Variants in MTA3 observed in about 807,000 individuals in gnomAD.
The protein encoded by MTA3 is metastasis associated 1 family member 3, also known as metastasis-associated protein MTA3.
MTA3 carries 34 observed loss-of-function variants against 83.5 expected under a neutral mutation model. The ratio of observed to expected loss-of-function variants is 0.41; its 90% CI spans 0.31 to 0.54. The LOEUF (loss-of-function observed/expected upper bound fraction) is 0.54. Among genes scored for constraint, MTA3 ranks in the 20% least tolerant of loss-of-function variants. The pLI is 0.33. For synonymous variants in MTA3, 303 were observed against 252.7 expected (o/e 1.20, Z -1.89); for missense variants, 761 against 726.4 (o/e 1.05, Z -0.55).
chr2:42,734,803 T>C (rs1199953431), intron 16 of MTA3, among the ~76,000 whole-genome samples: 5 of 152,150 alleles, frequency 3.3e-5, no homozygotes, highest in Non-Finnish European at 7.4e-5. Flanking sequence ...TTGACACTGA[T>C]TGCATAAACA....
intron 2 of MTA3, among the ~76,000 whole-genome samples, chr2:42,508,378 C>T (rs1045923631): frequency 6.6e-6 from 1 of 152,114 alleles, no homozygotes; most frequent in African/African-American, 2.4e-5. Flanking sequence ...GCCACCCAGG[C>T]TGGAGTGCAG....
intron 4 of MTA3, among the ~76,000 whole-genome samples, chr2:42,624,612 C>T (rs777056887): frequency 6.6e-6 from 1 of 152,212 alleles, no homozygotes; most frequent in Admixed American, 6.5e-5. Flanking sequence ...AGGTGTGAGC[C>T]ACTGTGCCCA....
intron 2 of MTA3, among the ~76,000 whole-genome samples, chr2:42,573,585 A>C (rs182574369): frequency 1.1e-4 from 17 of 152,300 alleles, no homozygotes; most frequent in Admixed American, 3.3e-4. Context: ...ATCTCCGGTC[A>C]CTGCAACCTC....
chr2:42,674,281 G>A (rs1251204259), intron 8 of MTA3, among the ~76,000 whole-genome samples: 3 of 152,214 alleles, frequency 2.0e-5, no homozygotes, highest in Admixed American at 6.5e-5. Flanking sequence ...ATGAATATTT[G>A]CTGAACAATA....
In MTA3 at chr2:42,709,066, G is replaced by A. The variant is rs1666373440; in HGVS notation, c.1495G>A (p.Ala499Thr). The A allele has an allele frequency of 6.2e-7, 1 of 1,610,096 alleles. No homozygotes were observed. Among genetic ancestry groups the A allele is most frequent in the African/African-American group, 1.3e-5 (1 of 74,826 alleles). The change falls in exon 14 of 17, where the codon GCT becomes ACT. Residue 499 changes from alanine (A) to threonine (T), a missense_variant. Transcript: ENST00000405094. The stretch of plus-strand genomic sequence containing the variant: ...GCAGGCAGCAAGACGGCCGTTTGTT[G>A]CTATTAATTATGCTGCCATTAGGGC... Reference protein sequence around the residue: ...LRQAARRPFVAINYAAIRAEY... With the variant: ...LRQAARRPFVTINYAAIRAEY...
chr2:42,665,247 C>T (rs1690129554), intron 8 of MTA3, among the ~76,000 whole-genome samples: 1 of 152,170 alleles, frequency 6.6e-6, no homozygotes, highest in African/African-American at 2.4e-5. Context: ...CAAAAGTTAG[C>T]TGGATGTGGT....
intron 8 of MTA3, among the ~76,000 whole-genome samples, chr2:42,671,185 A>G (rs1690760217): frequency 6.6e-6 from 1 of 152,188 alleles, no homozygotes; most frequent in African/African-American, 2.4e-5. Flanking sequence ...ATTTATAATT[A>G]GAATAAATTT....
chr2:42,608,373 C>CT (rs1376188334), intron 3 of MTA3, among the ~76,000 whole-genome samples: 1 of 152,176 alleles, frequency 6.6e-6, no homozygotes, highest in Non-Finnish European at 1.5e-5. Flanking sequence ...CTATATTTCT[C>CT]TTTGAGTAGT....
chr2:42,515,687 G>A (rs1675113186), intron 2 of MTA3, among the ~76,000 whole-genome samples: 2 of 151,402 alleles, frequency 1.3e-5, no homozygotes, highest in Non-Finnish European at 2.9e-5. Flanking sequence ...ATTTTTAGTA[G>A]AGACAGGGTT....
chr2:42,527,899 A>G (rs187871629), intron 2 of MTA3, among the ~76,000 whole-genome samples: 1 of 150,606 alleles, frequency 6.6e-6, no homozygotes, highest in Admixed American at 6.6e-5. Flanking sequence ...ATAGCATGAG[A>G]TCTCTCCTTG....
At position 42,719,309 on chromosome 2, in the gene MTA3, G is replaced by A. The variant is rs56851571; in HGVS notation, c.1612+235G>A. 3.4e-4 allele frequency among the ~76,000 whole-genome samples: 52 copies of A among 151,862 alleles called. No homozygotes were observed. The East Asian group carries it at 5.0e-3, about 15-fold the overall frequency. The stretch of plus-strand genomic sequence containing the variant: ...TGTCTACTTTTTCCAAAAAGCCATC[G>A]AATAAAAATGTAATATATATTCATG... On this transcript the variant is annotated intron_variant, in intron 15 of 16. Coordinates refer to ENST00000405094, the MANE Select transcript of MTA3 (RefSeq NM_001330442.2).
At chr2:42,717,431 A>C (rs1667107830) in intron 14 of MTA3, among the ~76,000 whole-genome samples, 1 of 152,252 alleles carries the variant, frequency 6.6e-6, no homozygotes, top group African/African-American at 2.4e-5. Context: ...TATTTATGAC[A>C]GTATTAAAGT....
At chr2:42,607,747 T>G (rs1280249129) in intron 3 of MTA3, among the ~76,000 whole-genome samples, 1 of 152,176 alleles carries the variant, frequency 6.6e-6, no homozygotes, top group Non-Finnish European at 1.5e-5. Flanking sequence ...GCTCAGGAGT[T>G]CGAGATCAGC....
chr2:42,674,273 G>T (rs1471628951), intron 8 of MTA3, among the ~76,000 whole-genome samples: 1 of 152,230 alleles, frequency 6.6e-6, no homozygotes, highest in Non-Finnish European at 1.5e-5. Context: ...GGGAGGGAAT[G>T]AATATTTGCT....
intron 4 of MTA3, among the ~76,000 whole-genome samples, chr2:42,631,588 A>G (rs1217069415): frequency 1.3e-5 from 2 of 152,240 alleles, no homozygotes; most frequent in Non-Finnish European, 2.9e-5. Context: ...CATGTGATGC[A>G]TAGTAATCAC....
At chr2:42,621,115 AT>A (rs931356001) in intron 4 of MTA3, among the ~76,000 whole-genome samples, 3 of 106,334 alleles carry the variant, frequency 2.8e-5, no homozygotes, top group Non-Finnish European at 6.2e-5. Flanking sequence ...ATGTGAAACA[AT>A]GTTACTCTTA....
At chr2:42,718,910 C>CT in intron 14 of MTA3, 78 bp from the exon 15 acceptor site, 1 of 1,092,556 alleles carries the variant, frequency 9.2e-7, no homozygotes, top group Non-Finnish European at 1.4e-6. Flanking sequence ...CCACTTGTAC[C>CT]TTTATTTCTG....
intron 6 of MTA3, among the ~76,000 whole-genome samples, chr2:42,647,031 C>T (rs1688262144): frequency 6.6e-6 from 1 of 150,762 alleles, no homozygotes; most frequent in Non-Finnish European, 1.5e-5. Context: ...TGGCGGGCGC[C>T]TATAGTCCCA....
chr2:42,582,746 A>G (rs934148867), intron 3 of MTA3, among the ~76,000 whole-genome samples: 11 of 152,304 alleles, frequency 7.2e-5, no homozygotes, highest in East Asian at 3.9e-4. Context: ...GGTCTTGTCT[A>G]TTTTAGGATT....
Sources: gnomAD v4.1 joint callset for allele counts (sites outside exome capture counted in the v4.1 genomes callset) on GRCh38, gnomAD v4.1.1 for gene constraint, MANE v1.5 for transcripts, NCBI Gene and HGNC (gene_info 2026-07-23, HGNC 2026-07-21) for gene names.